The following SCTR variants were observed in gnomAD, a reference collection of about 807,000 sequenced individuals.
SCTR encodes secretin receptor, also known as pancreatic secretin receptor.
A neutral mutation model predicts 60.8 loss-of-function variants in SCTR; 56 were observed. That is an observed-to-expected ratio of 0.92 (90% CI 0.74 to 1.15). The LOEUF (loss-of-function observed/expected upper bound fraction) is 1.15. Among genes scored for constraint, SCTR ranks in the 50% most tolerant of loss-of-function variants. The pLI is 0.00. For synonymous variants in SCTR, 202 were observed against 217.0 expected (o/e 0.93, Z 0.61); for missense variants, 562 against 550.4 (o/e 1.02, Z -0.21).
chr2:119,456,153 C>T (rs1204867616), intron 7 of SCTR, among the ~76,000 whole-genome samples: 3 of 151,282 alleles, frequency 2.0e-5, no homozygotes, highest in Non-Finnish European at 4.4e-5. Flanking sequence ...CTCCACCACC[C>T]GGGTTCAAGT....
intron 1 of SCTR, among the ~76,000 whole-genome samples, chr2:119,497,983 T>C (rs1678412371): frequency 6.6e-6 from 1 of 152,092 alleles, no homozygotes; most frequent in African/African-American, 2.4e-5. Flanking sequence ...AAATAATGGC[T>C]GAAAACTTCC....
intron 3 of SCTR, among the ~76,000 whole-genome samples, 187 bp downstream of exon 3, chr2:119,478,624 C>A (rs968842376): frequency 6.6e-6 from 1 of 152,136 alleles, no homozygotes; most frequent in African/African-American, 2.4e-5. Context: ...TTGCTTGACA[C>A]CCTCAGAATT....
intron 3 of SCTR, among the ~76,000 whole-genome samples, chr2:119,474,378 G>A (rs1304381976): frequency 1.3e-5 from 2 of 152,230 alleles, no homozygotes; most frequent in African/African-American, 4.8e-5. Context: ...AGCCCAGCCT[G>A]CGGAAGGGAG....
At chr2:119,503,755 T>C (rs1046996244) in intron 1 of SCTR, among the ~76,000 whole-genome samples, 20 of 152,172 alleles carry the variant, frequency 1.3e-4, no homozygotes, top group Non-Finnish European at 2.8e-4. Flanking sequence ...TCAAAACCCA[T>C]AGAATATACA....
At chr2:119,493,297 A>G (rs1375753411) in intron 2 of SCTR, among the ~76,000 whole-genome samples, 2 of 152,172 alleles carry the variant, frequency 1.3e-5, no homozygotes, top group Non-Finnish European at 2.9e-5. Flanking sequence ...CATTTTGTTT[A>G]TCCATTCGTC....
At chr2:119,491,471 T>A (rs1678127453) in intron 2 of SCTR, among the ~76,000 whole-genome samples, 1 of 152,188 alleles carries the variant, frequency 6.6e-6, no homozygotes, top group Non-Finnish European at 1.5e-5. Flanking sequence ...CATACTGTTC[T>A]TATCTCATCA....
chr2:119,464,649 AG>A (rs1683757759), intron 5 of SCTR, among the ~76,000 whole-genome samples: 1 of 152,146 alleles, frequency 6.6e-6, no homozygotes, highest in Non-Finnish European at 1.5e-5. Context: ...AAGAGGCTGA[AG>A]TGGGAGGATT....
chr2:119,447,610 T>C (rs539967464), intron 10 of SCTR, among the ~76,000 whole-genome samples: 1 of 152,350 alleles, frequency 6.6e-6, no homozygotes, highest in South Asian at 2.1e-4. Flanking sequence ...CTTGCTGTGT[T>C]GTGCAGGCAG....
intron 7 of SCTR, among the ~76,000 whole-genome samples, chr2:119,455,713 G>A (rs974391971): frequency 7.2e-5 from 11 of 152,092 alleles, no homozygotes; most frequent in African/African-American, 2.4e-4. Context: ...AAAGAAATTC[G>A]AACATTAGAG....
intron 7 of SCTR, among the ~76,000 whole-genome samples, chr2:119,460,416 A>C (rs886702198): frequency 1.4e-5 from 2 of 147,208 alleles, no homozygotes; most frequent in Non-Finnish European, 3.0e-5. Flanking sequence ...GAGTGGGTGG[A>C]TGTGTGCATG....
At chr2:119,462,071 G>A in intron 6 of SCTR, 71 bp from the exon 7 acceptor site, 1 of 1,461,324 alleles carries the variant, frequency 6.8e-7, no homozygotes, top group South Asian at 1.4e-5. Flanking sequence ...GGCCCCAAAG[G>A]GAGCAACAGG....
chr2:119,506,496 T>TATTTA (rs1678744383), intron 1 of SCTR, among the ~76,000 whole-genome samples: 1 of 88,956 alleles, frequency 1.1e-5, no homozygotes, highest in Non-Finnish European at 2.4e-5. Flanking sequence ...TTATTTATCT[T>TATTTA]TTAGAGACAG....
intron 5 of SCTR, among the ~76,000 whole-genome samples, chr2:119,465,121 G>A (rs929210337): frequency 4.6e-5 from 7 of 152,146 alleles, no homozygotes; most frequent in African/African-American, 1.4e-4. Context: ...GTGCTCCATC[G>A]CTGTCCATAG....
intron 12 of SCTR, among the ~76,000 whole-genome samples, chr2:119,440,985 C>T (rs1472475118): frequency 2.0e-5 from 3 of 152,360 alleles, no homozygotes; most frequent in Admixed American, 6.5e-5. Context: ...AACCACATAG[C>T]TCTGTATGCC....
At chr2:119,520,542 C>T (rs1256791160) in intron 1 of SCTR, among the ~76,000 whole-genome samples, 5 of 152,200 alleles carry the variant, frequency 3.3e-5, no homozygotes, top group Admixed American at 3.3e-4. Flanking sequence ...GCTCACTGTG[C>T]AGCCACAGGG....
At chr2:119,487,668 G>T (rs1677930134) in intron 2 of SCTR, among the ~76,000 whole-genome samples, 1 of 152,226 alleles carries the variant, frequency 6.6e-6, no homozygotes, top group Non-Finnish European at 1.5e-5. Flanking sequence ...GCCCTGTGGG[G>T]CAGGCCGTGC....
chr2:119,469,375 C>T (rs891321822), intron 4 of SCTR, among the ~76,000 whole-genome samples: 1 of 152,128 alleles, frequency 6.6e-6, no homozygotes, highest in African/African-American at 2.4e-5. Flanking sequence ...GCCAGGTGAC[C>T]AGCCCGCTTC....
chr2:119,501,198 CAGG>C (rs1318872241), intron 1 of SCTR, among the ~76,000 whole-genome samples: 4 of 152,072 alleles, frequency 2.6e-5, no homozygotes, highest in African/African-American at 9.7e-5. Flanking sequence ...ATCACGAGGT[CAGG>C]AGATCGAGAC....
intron 1 of SCTR, among the ~76,000 whole-genome samples, chr2:119,497,413 G>T (rs1188948642): frequency 1.3e-5 from 2 of 150,924 alleles, no homozygotes; most frequent in South Asian, 2.1e-4. Flanking sequence ...AACATAAAAT[G>T]AAAATGTCTA....
Sources: gnomAD v4.1 joint callset for allele counts (sites outside exome capture counted in the v4.1 genomes callset) on GRCh38, gnomAD v4.1.1 for gene constraint, MANE v1.5 for transcripts, NCBI Gene and HGNC (gene_info 2026-07-23, HGNC 2026-07-21) for gene names.